The following CCM2L variants were observed in gnomAD, a reference collection of about 807,000 sequenced individuals.
CCM2L encodes the protein CCM2 like scaffold protein, also known as cerebral cavernous malformations 2 protein-like.
CCM2L carries 36 observed loss-of-function variants against 54.1 expected under a neutral mutation model. The observed-to-expected ratio is 0.67, with a 90% confidence interval of 0.51 to 0.88. The LOEUF is 0.88. Ranked by LOEUF, CCM2L falls within the 40% of genes least tolerant of loss-of-function variation. CCM2L has a pLI of 0.00. For missense variants in CCM2L, 700 were observed against 812.1 expected, an observed-to-expected ratio of 0.86 and a Z score of 1.68; for synonymous variants, 351 against 359.3, an observed-to-expected ratio of 0.98 and a Z score of 0.26.
In CCM2L at chr20:32,029,717, G is replaced by A; in HGVS notation, c.1281G>A (p.Gly427=). ...CCACATAGTTGCGGAGTAAGCTGGG[G>A]CCCCTCGAGATCCAGCAGTTTGCGA... ...DYMVTLRSKL[G]PLEIQQFAML... is the part of the protein sequence containing the mutation. The change falls in exon 9 of 10, where the codon GGG becomes GGA. Residue 427 remains glycine, a synonymous_variant. Transcript: ENST00000452892. The A allele has an allele frequency of 1.2e-6, 2 of 1,611,738 alleles. No individual in the cohort carries two copies. The highest frequency in any genetic ancestry group is 2.2e-5 in the East Asian group (1 of 44,786).
intron 4 of CCM2L, among the ~76,000 whole-genome samples, chr20:32,018,626 C>T (rs1350908924): frequency 6.6e-6 from 1 of 152,014 alleles, no homozygotes; most frequent in East Asian, 1.9e-4. Flanking sequence ...CCAGTTAAGG[C>T]TCCCTTGGGA....
At chr20:32,018,803 C>G (rs1364649055) in intron 4 of CCM2L, 140 bp from the exon 5 acceptor site, 2 of 1,085,020 alleles carry the variant, frequency 1.8e-6, no homozygotes, top group Non-Finnish European at 2.3e-6. Flanking sequence ...GGCGGGGAAC[C>G]GCCGCGCTAC....
At chr20:32,030,368 G>A (rs1600686570) in intron 9 of CCM2L, among the ~76,000 whole-genome samples, 1 of 152,268 alleles carries the variant, frequency 6.6e-6, no homozygotes, top group East Asian at 1.9e-4. Flanking sequence ...CACATAGCTA[G>A]TAAGTAGGAA....
Position 32,017,838 on chromosome 20 carries a change from C to T in CCM2L, c.237C>T (p.Asn79=), listed in dbSNP as rs111993358. The T allele has an allele frequency of 8.7e-6, 14 of 1,614,120 alleles. No homozygotes were observed. In the African/African-American group the frequency reaches 1.2e-4, roughly 14 times the overall value. ...GHLTWVTSSL[N]PSSRDELLQL... ...TTACCTGGGTGACTTCCTCACTGAA[C>T]CCCTCCAGTCGGGACGAGCTCCTGC... Residue 79 remains asparagine, a synonymous_variant, in exon 3 of 10, where the codon AAC becomes AAT. Coordinates refer to ENST00000452892, the MANE Select transcript of CCM2L (RefSeq NM_001365692.1).
At chr20:32,023,258 C>T (rs1025683911) in intron 6 of CCM2L, among the ~76,000 whole-genome samples, 3 of 152,258 alleles carry the variant, frequency 2.0e-5, no homozygotes, top group African/African-American at 7.2e-5. Context: ...GCGTGAGCCA[C>T]TGCACCCAGC....
chr20:32,031,384 T>G lies in CCM2L; in HGVS notation c.*70T>G. 2 of 1,167,824 alleles carry G rather than the reference T, an allele frequency of 1.7e-6. No individual in the cohort carries two copies. The highest frequency in any genetic ancestry group is 2.2e-6 in the Non-Finnish European group (2 of 917,216). The allele number at this position is 1,167,824 out of a possible 1,614,324, so 72.3% of individuals were successfully genotyped here. A position where few individuals can be genotyped will look rare whatever the true frequency, so the allele number is the denominator to read the frequency against. On this transcript the variant is annotated 3_prime_UTR_variant, in exon 10 of 10. Transcript: ENST00000452892. ...TCTCAGCTTTGCTTCGGGGACCCTA[T>G]CCCCAGGGCCCCCCCATCACACCTG...
chr20:32,030,404 A>C (rs1001086478), intron 9 of CCM2L, among the ~76,000 whole-genome samples: 3 of 152,218 alleles, frequency 2.0e-5, no homozygotes, highest in African/African-American at 4.8e-5. Context: ...CTGTTTACAG[A>C]GTGCTCAGTA....
chr20:32,019,542 A>C, intron 5 of CCM2L, 133 bp downstream of exon 5: 5 of 568,580 alleles, frequency 8.8e-6, no homozygotes, highest in Non-Finnish European at 1.4e-5. Context: ...GCCCCACCTA[A>C]TGGCTCCTAA....
chr20:32,032,081 C>T lies in CCM2L; in HGVS notation c.*767C>T, dbSNP rs1236082895. On this transcript the variant is annotated 3_prime_UTR_variant, in exon 10 of 10. Coordinates refer to ENST00000452892, the MANE Select transcript of CCM2L (RefSeq NM_001365692.1). The stretch of plus-strand genomic sequence containing the variant: ...GTCCAGTGAGCTCAGCCCCCATCCA[C>T]CTAACAGGGTGGCCACAGGGATTAC... 6.6e-6 allele frequency: 1 copy of T among 152,246 alleles called. No homozygotes were observed. Among genetic ancestry groups the T allele is most frequent in the East Asian group, 1.9e-4 (1 of 5,202 alleles). The allele number at this position is 152,246 out of a possible 1,614,324, so 9.4% of individuals were successfully genotyped here.
chr20:32,019,008 G>A lies in CCM2L; in HGVS notation c.532G>A (p.Gly178Ser). 3.0e-6 allele frequency: 4 copies of A among 1,341,048 alleles called. No homozygotes were observed. Among genetic ancestry groups the A allele is most frequent in the Non-Finnish European group, 3.8e-6 (4 of 1,054,182 alleles). The allele number at this position is 1,341,048 out of a possible 1,614,324, so 83.1% of individuals were successfully genotyped here. Reference protein sequence around the residue: ...ASPGGAGRDPGPPGGAPEKRR... With the variant: ...ASPGGAGRDPSPPGGAPEKRR... The stretch of plus-strand genomic sequence containing the variant: ...CCCAGGCGGCGCAGGACGCGACCCC[G>A]GCCCGCCAGGCGGGGCGCCCGAGAA... The change falls in exon 5 of 10, where the codon GGC (glycine) becomes AGC (serine). Residue 178 changes from glycine (G) to serine (S), a missense_variant. By Grantham distance (56) the Gly-to-Ser change is moderately conservative (BLOSUM62 0). Transcript: ENST00000452892.
In CCM2L at chr20:32,030,998, C is replaced by T; in HGVS notation, c.1403-3C>T. 1 of 1,304,060 alleles carries T rather than the reference C, an allele frequency of 7.7e-7. No homozygotes were observed. The highest frequency in any genetic ancestry group is 1.5e-5 in the African/African-American group (1 of 65,970). The allele number at this position is 1,304,060 out of a possible 1,614,324, so 80.8% of individuals were successfully genotyped here. ...GGGACTCACCATGCCCCTCGGCTCGCAGGGATGCGGCCCTTCATCCCGGAC... is the reference window on the plus strand; with the variant it reads ...GGGACTCACCATGCCCCTCGGCTCGTAGGGATGCGGCCCTTCATCCCGGAC... On this transcript the variant is annotated splice_polypyrimidine_tract_variant and splice_region_variant and intron_variant, in intron 9 of 9. Transcript: ENST00000452892.
chr20:32,012,150 G>A (rs1490258187), intron 1 of CCM2L, among the ~76,000 whole-genome samples: 1 of 151,956 alleles, frequency 6.6e-6, no homozygotes, highest in African/African-American at 2.4e-5. Context: ...TCCATGATAT[G>A]GGTTCTAACA....
rs1175904025 is a variant in CCM2L, at chr20:32,018,891, G to T, written c.467-52G>T. The stretch of plus-strand genomic sequence containing the variant: ...GGCCAGCCGGCCTCGGCGGGGCGGG[G>T]GGGTCTCTGAGTCCCGATCCCCGCG... On this transcript the variant is annotated intron_variant, in intron 4 of 9. Transcript: ENST00000452892. 3.2e-5 allele frequency: 40 copies of T among 1,250,894 alleles called. No homozygotes were observed. The South Asian group carries it at 1.0e-3, about 32-fold the overall frequency. 77.5% of individuals were successfully genotyped at this position (1,250,894 alleles called of 1,614,324 possible).
rs2122318331 is a variant in CCM2L, at chr20:32,015,022, T to C, written c.149T>C (p.Leu50Pro). 1 of 1,558,448 alleles carries C rather than the reference T, an allele frequency of 6.4e-7. No individual in the cohort carries two copies. The highest frequency in any genetic ancestry group is 2.5e-5 in the East Asian group (1 of 40,588). ...ATGCCCCTTTATCCCCCCGACTACCTCATCGACCCCCAGATTCTGCTGTGT... is the reference window on the plus strand; with the variant it reads ...ATGCCCCTTTATCCCCCCGACTACCCCATCGACCCCCAGATTCTGCTGTGT... ...HSMPLYPPDYLIDPQILLCDY... is the reference protein window; with the variant it reads ...HSMPLYPPDYPIDPQILLCDY... Residue 50 changes from leucine (L) to proline (P), a missense_variant, in exon 2 of 10, where the codon CTC becomes CCC. Physicochemically the swap from Leu to Pro is moderately conservative, Grantham distance 98. Coordinates refer to ENST00000452892, the MANE Select transcript of CCM2L (RefSeq NM_001365692.1).
At chr20:32,019,706 A>G (rs1364822072) in intron 5 of CCM2L, among the ~76,000 whole-genome samples, 1 of 152,190 alleles carries the variant, frequency 6.6e-6, no homozygotes, top group Non-Finnish European at 1.5e-5. Context: ...TCACGAGGAC[A>G]CTAATCACCA....
Position 32,031,461 on chromosome 20 carries a change from CG to C in CCM2L, c.*151del. The stretch of plus-strand genomic sequence containing the variant: ...GGTCTCGCTCCCTGCCCTTGGGGCC[CG>C]GGGCCATGCAGTACCTGGAGTGTCC... On this transcript the variant is annotated 3_prime_UTR_variant, in exon 10 of 10. Transcript: ENST00000452892. 1 of 571,814 alleles carries C rather than the reference CG, an allele frequency of 1.7e-6. No homozygotes were observed. The allele number at this position is 571,814 out of a possible 1,614,324, so 35.4% of individuals were successfully genotyped here.
At chr20:32,013,602 C>T (rs368329022) in intron 1 of CCM2L, among the ~76,000 whole-genome samples, 5 of 149,680 alleles carry the variant, frequency 3.3e-5, no homozygotes, top group East Asian at 1.9e-4. Flanking sequence ...CCACCACACC[C>T]GGCTAATTTT....
At chr20:32,018,828 C>A in intron 4 of CCM2L, 115 bp from the exon 5 acceptor site, 10 of 1,151,744 alleles carry the variant, frequency 8.7e-6, no homozygotes, top group Non-Finnish European at 9.8e-6. Context: ...AAGCCGGGGG[C>A]GAGGCGGCGG....
At chr20:32,028,956 GAGGGAGGCGAGTGA>G in intron 7 of CCM2L, 25 bp from the exon 8 acceptor site, 1 of 1,612,036 alleles carries the variant, frequency 6.2e-7, no homozygotes, top group Non-Finnish European at 8.5e-7. Flanking sequence ...CCAGGAGCTG[GAGGGAGGCGAGTGA>G]AGGCCCTTCT....
Sources: allele counts gnomAD v4.1 joint callset (sites outside exome capture counted in the v4.1 genomes callset), GRCh38; gene constraint gnomAD v4.1.1; transcripts MANE v1.5; gene names NCBI Gene and HGNC (gene_info 2026-07-23, HGNC 2026-07-21).